The following ALAS1 variants were observed in gnomAD, a reference collection of about 807,000 sequenced individuals.
ALAS1 encodes 5'-aminolevulinate synthase 1, also known as 5-aminolevulinate synthase, non-specific, mitochondrial.
In ALAS1, 29 loss-of-function variants were observed where a neutral mutation model predicts 59.6. The observed-to-expected ratio is 0.49, with a 90% CI of 0.36 to 0.66. The LOEUF is 0.66. Among genes scored for constraint, ALAS1 ranks in the 30% least tolerant of loss-of-function variants. The pLI, the probability that ALAS1 is intolerant of heterozygous loss-of-function variation, is 0.00. For missense variants in ALAS1, 690 were observed against 807.5 expected (o/e 0.85, Z 1.76); for synonymous variants, 299 against 296.6 (o/e 1.01, Z -0.08).
At chr3:52,202,840 AC>A in intron 4 of ALAS1, 106 bp downstream of exon 4, 1 of 1,075,122 alleles carries the variant, frequency 9.3e-7, no homozygotes, top group Non-Finnish European at 1.4e-6. Context: ...ATTTATGGAA[AC>A]ACCTTCCTCT....
At chr3:52,202,321 A>G (rs1227406444) in intron 3 of ALAS1, among the ~76,000 whole-genome samples, 186 bp from the exon 4 acceptor site, 1 of 152,176 alleles carries the variant, frequency 6.6e-6, no homozygotes, top group Non-Finnish European at 1.5e-5. Flanking sequence ...CTGTACTCCA[A>G]CCTGGGGTAC....
At chr3:52,206,461 C>G (rs1699292886) in intron 7 of ALAS1, 111 bp from the exon 8 acceptor site, 3 of 1,255,566 alleles carry the variant, frequency 2.4e-6, no homozygotes, top group Admixed American at 2.1e-5. Flanking sequence ...GTGTCTTTTT[C>G]CTACTAGGCA....
chr3:52,202,427 A>G (rs1330382921), intron 3 of ALAS1, 80 bp from the exon 4 acceptor site: 2 of 1,125,236 alleles, frequency 1.8e-6, no homozygotes, highest in Non-Finnish European at 2.7e-6. Context: ...CTTTGAGGCA[A>G]TAAAAGAAAG....
At chr3:52,203,299 G>A (rs1211550882) in intron 4 of ALAS1, among the ~76,000 whole-genome samples, 1 of 152,184 alleles carries the variant, frequency 6.6e-6, no homozygotes, top group Non-Finnish European at 1.5e-5. Flanking sequence ...CCAGCACTTT[G>A]GGAGGCCGAG....
Position 52,214,221 on chromosome 3 carries a change from A to T in ALAS1, c.*41A>T. The stretch of plus-strand genomic sequence containing the variant: ...TTTCACTTAACCCCAGGCCATTATC[A>T]TATCCAGATGGTCTTCAGAGTTGTC... On this transcript the variant is annotated 3_prime_UTR_variant, in exon 12 of 12. Transcript: ENST00000484952. 6.5e-6 allele frequency: 10 copies of T among 1,531,028 alleles called. No homozygotes were observed. Among genetic ancestry groups the T allele is most frequent in the Non-Finnish European group, 8.9e-6 (10 of 1,121,980 alleles). 94.8% of individuals were successfully genotyped at this position (1,531,028 alleles called of 1,614,324 possible).
intron 3 of ALAS1, among the ~76,000 whole-genome samples, chr3:52,200,219 C>G (rs1699160273): frequency 6.6e-6 from 1 of 152,068 alleles, no homozygotes. Flanking sequence ...TAAAAATGTG[C>G]AGTTCAGTGG....
intron 9 of ALAS1, 51 bp downstream of exon 9, chr3:52,208,298 C>T (rs1699336250): frequency 6.3e-7 from 1 of 1,595,754 alleles, no homozygotes. Flanking sequence ...CCTAACAAGG[C>T]CAAGGACTAA....
intron 8 of ALAS1, 52 bp from the exon 9 acceptor site, chr3:52,208,031 A>C: frequency 2.0e-6 from 3 of 1,472,016 alleles, no homozygotes; most frequent in Non-Finnish European, 1.8e-6. Context: ...ACCAAAACAG[A>C]AATTTCTGAA....
intron 6 of ALAS1, among the ~76,000 whole-genome samples, chr3:52,205,266 G>A (rs1699270677): frequency 6.6e-6 from 1 of 152,150 alleles, no homozygotes. Context: ...GAATCTAGCA[G>A]CGCTAGAGAA....
chr3:52,202,406 A>T, intron 3 of ALAS1, 101 bp from the exon 4 acceptor site: 1 of 944,808 alleles, frequency 1.1e-6, no homozygotes, highest in African/African-American at 1.6e-5. Context: ...TACAGTAAGT[A>T]TTAAGTTTAT....
rs1175565346 is a variant in ALAS1 at position 52,213,960 on chromosome 3, T to C, written c.1763-60T>C. On this transcript the variant is annotated intron_variant, in intron 11 of 11. Coordinates refer to ENST00000484952, the MANE Select transcript of ALAS1 (RefSeq NM_000688.6). ...GTGTACAAGTTTTTGTGTGGACATA[T>C]GTTTTCATTTCTCTTGTGTATATTA... 12 of 1,477,916 alleles carry C rather than the reference T, an allele frequency of 8.1e-6. No homozygotes were observed. In the Admixed American group the frequency reaches 1.6e-4, roughly 19 times the overall value. 91.6% of individuals were successfully genotyped at this position (1,477,916 alleles called of 1,614,324 possible).
At chr3:52,205,007 C>A in intron 6 of ALAS1, 92 bp downstream of exon 6, 1 of 1,085,906 alleles carries the variant, frequency 9.2e-7, no homozygotes, top group East Asian at 2.4e-5. Flanking sequence ...AGGGAACATT[C>A]AGTAGCTGAA....
At chr3:52,206,100 C>A in intron 7 of ALAS1, 77 bp downstream of exon 7, 1 of 1,333,222 alleles carries the variant, frequency 7.5e-7, no homozygotes, top group Non-Finnish European at 1.0e-6. Context: ...AACAAAGAAG[C>A]CTTACCAGAA....
Position 52,212,382 on chromosome 3 carries a change from C to G in ALAS1, c.1724C>G (p.Thr575Ser). The change falls in exon 11 of 12, where the codon ACC (threonine) becomes AGC (serine). Residue 575 changes from threonine to serine, a missense_variant. Coordinates refer to ENST00000484952, the MANE Select transcript of ALAS1 (RefSeq NM_000688.6). ...RGEELLRIAP[T>S]PHHTPQMMNY... ...GAAGAGCTCCTACGGATTGCCCCCA[C>G]CCCTCACCACACACCCCAGATGATG... 6.2e-7 allele frequency: 1 copy of G among 1,614,106 alleles called. No homozygotes were observed. Among genetic ancestry groups the G allele is most frequent in the South Asian group, 1.1e-5 (1 of 91,078 alleles).
chr3:52,212,250 G>C lies in ALAS1; in HGVS notation c.1600-8G>C. Reference sequence around the variant, plus strand: ...TGTGACCTTACCTTCTGCTCTCATTGAACTTAGGTTGCAGATGCTGCTAAA... The same window carrying C: ...TGTGACCTTACCTTCTGCTCTCATTCAACTTAGGTTGCAGATGCTGCTAAA... On this transcript the variant is annotated splice_region_variant and splice_polypyrimidine_tract_variant and intron_variant, in intron 10 of 11. Transcript: ENST00000484952. The C allele has an allele frequency of 6.2e-7, 1 of 1,612,162 alleles. No homozygotes were observed. Among genetic ancestry groups the C allele is most frequent in the Non-Finnish European group, 8.5e-7 (1 of 1,178,992 alleles).
rs1309429386 is a variant in ALAS1, at chr3:52,198,168, C to G, written c.-297C>G. ...CCGGCGATCGCGGCCTGAGGCTGCT[C>G]CCGGACAAGGGCAACGAGCGTTTCG... On this transcript the variant is annotated 5_prime_UTR_variant, in exon 1 of 12. Transcript: ENST00000484952. The G allele has an allele frequency of 1.0e-5, 4 of 398,450 alleles. No homozygotes were observed. The highest frequency in any genetic ancestry group is 1.3e-4 in the South Asian group (1 of 7,970). The allele number at this position is 398,450 out of a possible 1,614,324, so 24.7% of individuals were successfully genotyped here.
At chr3:52,201,036 TAATA>T (rs1699176644) in intron 3 of ALAS1, among the ~76,000 whole-genome samples, 1 of 152,242 alleles carries the variant, frequency 6.6e-6, no homozygotes, top group African/African-American at 2.4e-5. Context: ...ATTACTTTTA[TAATA>T]AATGAAATTA....
intron 3 of ALAS1, 91 bp downstream of exon 3, chr3:52,199,531 A>C: frequency 1.6e-6 from 2 of 1,228,300 alleles, no homozygotes; most frequent in Non-Finnish European, 2.3e-6. Flanking sequence ...TGAGGGTCAC[A>C]CTCACTCACA....
chr3:52,199,241 C>T lies in ALAS1; in HGVS notation c.-1C>T. ...CACAGGAGCCAGCATACTTCCTGAA[C>T]ATGGAGAGTGTTGTTCGCCGCTGCC... On this transcript the variant is annotated 5_prime_UTR_variant, in exon 3 of 12. Transcript: ENST00000484952. The T allele has an allele frequency of 6.2e-7, 1 of 1,614,214 alleles. No homozygotes were observed. Among genetic ancestry groups the T allele is most frequent in the Admixed American group, 1.7e-5 (1 of 60,034 alleles).
Sources: gnomAD v4.1 joint callset for allele counts (sites outside exome capture counted in the v4.1 genomes callset) on GRCh38, gnomAD v4.1.1 for gene constraint, MANE v1.5 for transcripts, NCBI Gene and HGNC (gene_info 2026-07-23, HGNC 2026-07-21) for gene names.